Variants in QDPR observed in about 807,000 individuals in gnomAD.
The protein encoded by QDPR is dihydropteridine reductase.
In QDPR, 23 loss-of-function variants were observed where a neutral mutation model predicts 31.7. The ratio of observed to expected loss-of-function variants is 0.73; its 90% CI spans 0.52 to 1.03. The LOEUF (loss-of-function observed/expected upper bound fraction) is 1.03. Among genes scored for constraint, QDPR ranks in the 50% least tolerant of loss-of-function variants. QDPR has a pLI of 0.00. For missense variants in QDPR, 324 were observed against 323.8 expected (o/e 1.00, Z 0.00); for synonymous variants, 124 against 124.7 (o/e 0.99, Z 0.03).
intron 3 of QDPR, 37 bp from the exon 4 acceptor site, chr4:17,501,896 G>C (rs1385485915): frequency 1.2e-6 from 2 of 1,613,278 alleles, no homozygotes; most frequent in Non-Finnish European, 1.7e-6. Flanking sequence ...GCATTCCCAG[G>C]AAAGAAACCA....
chr4:17,500,112 C>T (rs556208296), intron 4 of QDPR, among the ~76,000 whole-genome samples: 1 of 152,128 alleles, frequency 6.6e-6, no homozygotes, highest in Non-Finnish European at 1.5e-5. Context: ...GCCACCATCA[C>T]GCCTGGCTAA....
chr4:17,492,578 C>T (rs2108987895), intron 4 of QDPR: 1 of 567,852 alleles, frequency 1.8e-6, no homozygotes, highest in South Asian at 2.0e-5. Flanking sequence ...TTTCCAAGAA[C>T]ACACAGGCTT....
chr4:17,487,679 A>T (rs1373939500), intron 6 of QDPR, among the ~76,000 whole-genome samples: 2 of 151,336 alleles, frequency 1.3e-5, no homozygotes, highest in Non-Finnish European at 2.9e-5. Context: ...AAAGCCACTA[A>T]AGGTCAGGCA....
intron 6 of QDPR, among the ~76,000 whole-genome samples, chr4:17,489,684 A>G (rs1053197742): frequency 3.3e-5 from 5 of 152,236 alleles, no homozygotes; most frequent in Non-Finnish European, 7.3e-5. Flanking sequence ...TATGAGCATT[A>G]AATAAGAGTT....
rs2597767 is a variant in QDPR, at chr4:17,487,380, T to C, written c.630-144A>G. ...AAAAGCCACTAAGGGCTGGGCGCCATGGCTCACACCTGTGATCCCAGCACT... is the reference window on the plus strand; with the variant it reads ...AAAAGCCACTAAGGGCTGGGCGCCACGGCTCACACCTGTGATCCCAGCACT... On this transcript the variant is annotated intron_variant, in intron 6 of 6. Transcript: ENST00000281243. The C allele has an allele frequency of 0.27, 184,936 of 688,376 alleles. 28,023 individuals carry two copies. Among genetic ancestry groups the C allele is most frequent in the South Asian group, 0.37 (23,502 of 62,720 alleles). 42.6% of individuals were successfully genotyped at this position (688,376 alleles called of 1,614,324 possible).
chr4:17,496,044 A>G (rs530562615), intron 4 of QDPR, among the ~76,000 whole-genome samples: 89 of 143,718 alleles, frequency 6.2e-4, no homozygotes, highest in African/African-American at 2.1e-3. Context: ...TAAATAAATA[A>G]ATAAATACTT....
At chr4:17,503,233 A>T (rs938937764) in intron 3 of QDPR, among the ~76,000 whole-genome samples, 22 of 152,338 alleles carry the variant, frequency 1.4e-4, no homozygotes, top group Middle Eastern at 3.4e-3. Context: ...GGATTTTTTT[A>T]AAAATTCTAG....
At chr4:17,508,986 G>A (rs1050102694) in intron 2 of QDPR, among the ~76,000 whole-genome samples, 6 of 152,014 alleles carry the variant, frequency 3.9e-5, no homozygotes, top group African/African-American at 1.2e-4. Flanking sequence ...GTGAAACCCC[G>A]TCTCTACTGA....
rs988905734 is a variant in QDPR at position 17,486,513 on chromosome 4, G to C, written c.*618C>G. On this transcript the variant is annotated 3_prime_UTR_variant, in exon 7 of 7. Transcript: ENST00000281243. ...ACTCATCTCTGACTGCTGTATATAA[G>C]ATGTGATTTGATTAAAGAAGACAGA... 1.3e-5 allele frequency: 2 copies of C among 154,970 alleles called. No individual in the cohort carries two copies. The highest frequency in any genetic ancestry group is 2.4e-5 in the African/African-American group (1 of 41,450). 9.6% of individuals were successfully genotyped at this position (154,970 alleles called of 1,614,324 possible).
chr4:17,489,409 A>C (rs1011461485), intron 6 of QDPR, among the ~76,000 whole-genome samples: 1 of 152,216 alleles, frequency 6.6e-6, no homozygotes, highest in African/African-American at 2.4e-5. Context: ...GGCCTTTAAA[A>C]AGAAATTCAA....
chr4:17,493,320 G>A lies in QDPR; in HGVS notation c.437-980C>T, dbSNP rs147009415. On this transcript the variant is annotated intron_variant, in intron 4 of 6. Coordinates refer to ENST00000281243, the MANE Select transcript of QDPR (RefSeq NM_000320.3). ...CCTGCTGGTACATGCCTGTGGTCCC[G>A]GCTACTCGGGAGGCTGAGGTGGGAG... 1.5e-3 allele frequency among the ~76,000 whole-genome samples: 234 copies of A among 152,136 alleles called. 2 individuals are homozygous for A. Among genetic ancestry groups the A allele is most frequent in the African/African-American group, 5.4e-3 (224 of 41,496 alleles).
chr4:17,492,167 G>A (rs1718187563), intron 5 of QDPR, 65 bp downstream of exon 5: 2 of 1,418,030 alleles, frequency 1.4e-6, no homozygotes, highest in African/African-American at 2.8e-5. Flanking sequence ...GCTACAGTCA[G>A]ACAAACGGTC....
In QDPR at chr4:17,487,043, G is replaced by T. The variant is rs1488192107; in HGVS notation, c.*88C>A. The T allele has an allele frequency of 2.9e-6, 3 of 1,031,640 alleles. No homozygotes were observed. Among genetic ancestry groups the T allele is most frequent in the Admixed American group, 1.7e-5 (1 of 57,354 alleles). The allele number at this position is 1,031,640 out of a possible 1,614,324, so 63.9% of individuals were successfully genotyped here. A position where few individuals can be genotyped will look rare whatever the true frequency, so the allele number is the denominator to read the frequency against. On this transcript the variant is annotated 3_prime_UTR_variant, in exon 7 of 7. Transcript: ENST00000281243. ...TCATTATCTCGTACCACAAACAGGGGTTACAGAAAACACAAGGCTGGACAA... is the reference window on the plus strand; with the variant it reads ...TCATTATCTCGTACCACAAACAGGGTTTACAGAAAACACAAGGCTGGACAA...
Position 17,511,969 on chromosome 4 carries a change from G to T in QDPR, c.86C>A (p.Ala29Asp), listed in dbSNP as rs1719029178. Reference sequence around the variant, plus strand: ...CATTACCCAGTTGCGGGCCCGAAAAGCCTGCACGCATCGAGAACCCAGAGC... The same window carrying T: ...CATTACCCAGTTGCGGGCCCGAAAATCCTGCACGCATCGAGAACCCAGAGC... Reference protein sequence around the residue: ...RGALGSRCVQAFRARNWWVAS... With the variant: ...RGALGSRCVQDFRARNWWVAS... Residue 29 changes from alanine (A) to aspartate (D), a missense_variant, in exon 1 of 7, where the codon GCT becomes GAT. By Grantham distance (126) the Ala-to-Asp change is moderately radical. Coordinates refer to ENST00000281243, the MANE Select transcript of QDPR (RefSeq NM_000320.3). 6.2e-7 allele frequency: 1 copy of T among 1,610,872 alleles called. No individual in the cohort carries two copies. The highest frequency in any genetic ancestry group is 8.5e-7 in the Non-Finnish European group (1 of 1,179,210).
At chr4:17,509,552 C>A (rs553619548) in intron 1 of QDPR, among the ~76,000 whole-genome samples, 189 bp from the exon 2 acceptor site, 1 of 151,958 alleles carries the variant, frequency 6.6e-6, no homozygotes, top group African/African-American at 2.4e-5. Flanking sequence ...ATAGCAAGAC[C>A]CAGTCCCTAC....
At chr4:17,510,208 G>A (rs1320994629) in intron 1 of QDPR, among the ~76,000 whole-genome samples, 4 of 152,188 alleles carry the variant, frequency 2.6e-5, no homozygotes, top group Non-Finnish European at 5.9e-5. Flanking sequence ...TCCCTGTCCT[G>A]CAGCAGAGAG....
chr4:17,495,223 C>T (rs934549662), intron 4 of QDPR, among the ~76,000 whole-genome samples: 3 of 152,146 alleles, frequency 2.0e-5, no homozygotes, highest in Non-Finnish European at 2.9e-5. Context: ...GGCCTTAACA[C>T]CATCAAACCA....
At chr4:17,501,369 T>G (rs1718554967) in intron 4 of QDPR, among the ~76,000 whole-genome samples, 1 of 152,234 alleles carries the variant, frequency 6.6e-6, no homozygotes, top group African/African-American at 2.4e-5. Flanking sequence ...GCTGCTAAGC[T>G]GCTTCCCTGG....
intron 4 of QDPR, among the ~76,000 whole-genome samples, chr4:17,498,160 T>G (rs932703566): frequency 6.6e-5 from 10 of 152,086 alleles, no homozygotes; most frequent in African/African-American, 2.4e-4. Context: ...CTCCCTAAAA[T>G]CCTCGGCACA....
Sources: allele counts gnomAD v4.1 joint callset (sites outside exome capture counted in the v4.1 genomes callset), GRCh38; gene constraint gnomAD v4.1.1; transcripts MANE v1.5; gene names NCBI Gene and HGNC (gene_info 2026-07-23, HGNC 2026-07-21).